The following WSCD2 variants were observed in gnomAD, a reference collection of about 807,000 sequenced individuals.
The protein encoded by WSCD2 is WSC domain sialate O sulfotransferase 2.
Under a neutral mutation model 55.7 loss-of-function variants are expected in WSCD2, and 28 were observed. The ratio of observed to expected loss-of-function variants is 0.50; its 90% CI spans 0.37 to 0.69. The LOEUF is 0.69. Among genes scored for constraint, WSCD2 ranks in the 30% least tolerant of loss-of-function variants. The pLI, the probability that WSCD2 is intolerant of heterozygous loss-of-function variation, is 0.00. For missense variants in WSCD2, 616 were observed against 762.1 expected, an observed-to-expected ratio of 0.81 and a Z score of 2.26; for synonymous variants, 301 against 301.9, an observed-to-expected ratio of 1.00 and a Z score of 0.03.
intron 1 of WSCD2, among the ~76,000 whole-genome samples, chr12:108,182,908 A>G (rs1881980184): frequency 6.6e-6 from 1 of 152,066 alleles, no homozygotes; most frequent in Admixed American, 6.6e-5. Flanking sequence ...TGGGGATCCT[A>G]GCGTGGAACC....
At chr12:108,221,670 C>T (rs754915079) in intron 4 of WSCD2, among the ~76,000 whole-genome samples, 9 of 152,248 alleles carry the variant, frequency 5.9e-5, no homozygotes, top group Non-Finnish European at 1.0e-4. Flanking sequence ...CTGTACAGAA[C>T]AGGCATGCAC....
intron 1 of WSCD2, among the ~76,000 whole-genome samples, chr12:108,150,124 G>A (rs1443265982): frequency 6.6e-6 from 1 of 151,664 alleles, no homozygotes; most frequent in Non-Finnish European, 1.5e-5. Context: ...TATGAGGGTG[G>A]TGTTATTATT....
chr12:108,237,997 A>G (rs1230482961), intron 7 of WSCD2, among the ~76,000 whole-genome samples: 1 of 152,224 alleles, frequency 6.6e-6, no homozygotes, highest in Admixed American at 6.5e-5. Context: ...TGTGTTTTCC[A>G]TTGCTGTGCT....
chr12:108,206,698 A>T (rs78811011), intron 3 of WSCD2, among the ~76,000 whole-genome samples: 5,465 of 152,264 alleles, frequency 0.036, 237 homozygotes, highest in Admixed American at 0.13. Flanking sequence ...TGTGTTTGTG[A>T]GCTTAATGCC....
chr12:108,168,418 G>A (rs1020002764), intron 1 of WSCD2, among the ~76,000 whole-genome samples: 10 of 152,118 alleles, frequency 6.6e-5, no homozygotes, highest in Admixed American at 5.2e-4. Context: ...TCCTCCATTA[G>A]GTCACCCCTA....
rs974113429 is a variant in WSCD2 at position 108,170,631 on chromosome 12, C to G, written c.-551-24651C>G. ...TTCACCTCTCAGAGACTCAGTGACC[C>G]TATCTATAAAATGGAAATAAAAATA... On this transcript the variant is annotated intron_variant, in intron 1 of 8. Transcript: ENST00000547525. Among the ~76,000 whole-genome samples the G allele has an allele frequency of 2.6e-5, 4 of 152,282 alleles. No individual in the cohort carries two copies. In the East Asian group the frequency reaches 7.7e-4, roughly 29 times the overall value.
In WSCD2 at chr12:108,210,355, C is replaced by A. The variant is rs369788309; in HGVS notation, c.682+50C>A. ...TCTGCTGCTCCTCCCTCAGCTGCAGCCCTTGCCCACCAAAGAGTCCCACAT... is the reference window on the plus strand; with the variant it reads ...TCTGCTGCTCCTCCCTCAGCTGCAGACCTTGCCCACCAAAGAGTCCCACAT... On this transcript the variant is annotated intron_variant, in intron 4 of 8. Transcript: ENST00000547525. This position sits in a 1 kb window ranked among gnomAD's most constrained non-coding sequence, Gnocchi z 4.3. 5 of 1,515,914 alleles carry A rather than the reference C, an allele frequency of 3.3e-6. No homozygotes were observed. The African/African-American group carries it at 5.5e-5, about 17-fold the overall frequency. The allele number at this position is 1,515,914 out of a possible 1,614,324, so 93.9% of individuals were successfully genotyped here.
chr12:108,131,494 C>A (rs1431269733), intron 1 of WSCD2, among the ~76,000 whole-genome samples: 1 of 152,208 alleles, frequency 6.6e-6, no homozygotes, highest in Non-Finnish European at 1.5e-5. Context: ...GGGAAGTTCA[C>A]AGTTCCTACT....
At chr12:108,157,740 C>T (rs936351339) in intron 1 of WSCD2, among the ~76,000 whole-genome samples, 2 of 152,146 alleles carry the variant, frequency 1.3e-5, no homozygotes, top group African/African-American at 4.8e-5. Context: ...TGTTCTTCCT[C>T]GTCATCTTGC....
chr12:108,152,177 C>T (rs1388221950), intron 1 of WSCD2, among the ~76,000 whole-genome samples: 1 of 152,244 alleles, frequency 6.6e-6, no homozygotes, highest in Non-Finnish European at 1.5e-5. Flanking sequence ...ACTGCCCATT[C>T]TGAGTGTGCT....
At chr12:108,220,618 T>C (rs1351944236) in intron 4 of WSCD2, among the ~76,000 whole-genome samples, 1 of 152,222 alleles carries the variant, frequency 6.6e-6, no homozygotes, top group Non-Finnish European at 1.5e-5. Context: ...CAGCCTCGAC[T>C]GCCTGGGCTC....
intron 2 of WSCD2, among the ~76,000 whole-genome samples, chr12:108,202,726 G>A (rs188325564): frequency 2.0e-5 from 3 of 152,304 alleles, no homozygotes; most frequent in Admixed American, 1.3e-4. Flanking sequence ...GTAGGAGGGA[G>A]AAGAGGTGAA....
At chr12:108,196,458 C>A in intron 2 of WSCD2, 1 of 527,776 alleles carries the variant, frequency 1.9e-6, no homozygotes, top group Non-Finnish European at 3.3e-6. Flanking sequence ...TTGAACTCCA[C>A]ATCTATCAGA....
intron 4 of WSCD2, among the ~76,000 whole-genome samples, chr12:108,223,057 C>G (rs1887704267): frequency 6.6e-6 from 1 of 152,244 alleles, no homozygotes; most frequent in South Asian, 2.1e-4. Flanking sequence ...GGAATTCCTT[C>G]TTCTCCAGGA....
chr12:108,164,463 G>A (rs1206387379), intron 1 of WSCD2, among the ~76,000 whole-genome samples: 1 of 151,776 alleles, frequency 6.6e-6, no homozygotes, highest in Admixed American at 6.6e-5. Context: ...ATTTATTCAC[G>A]ATGTCACATA....
chr12:108,248,300 G>C lies in WSCD2; in HGVS notation c.1655G>C (p.Gly552Ala). The change falls in exon 9 of 9, where the codon GGG (glycine) becomes GCG (alanine). Residue 552 changes from glycine (G) to alanine (A), a missense_variant. By Grantham distance (60) the Gly-to-Ala change is moderately conservative. Transcript: ENST00000547525. This position sits in a 1 kb window ranked among gnomAD's most constrained non-coding sequence, Gnocchi z 4.3. ...YIKMVDAALK[G>A]RNLTGVPDDY... is the part of the protein sequence containing the mutation. ...AAGATGGTGGATGCAGCCCTCAAAG[G>C]GCGGAACCTAACGGGTGTCCCCGAT... 6.2e-7 allele frequency: 1 copy of C among 1,614,128 alleles called. No homozygotes were observed. The highest frequency in any genetic ancestry group is 8.5e-7 in the Non-Finnish European group (1 of 1,179,990).
At chr12:108,185,640 T>G (rs1882385755) in intron 1 of WSCD2, among the ~76,000 whole-genome samples, 1 of 152,196 alleles carries the variant, frequency 6.6e-6, no homozygotes, top group Non-Finnish European at 1.5e-5. Context: ...TTCTCCTTAC[T>G]GTATGTGAGT....
chr12:108,162,736 TC>T (rs1384421957), intron 1 of WSCD2, among the ~76,000 whole-genome samples: 1 of 152,172 alleles, frequency 6.6e-6, no homozygotes, highest in African/African-American at 2.4e-5. Flanking sequence ...CCTTCTCTTT[TC>T]TCTCTCCAAA....
At chr12:108,232,650 G>A in intron 6 of WSCD2, 81 bp from the exon 7 acceptor site, 1 of 1,383,028 alleles carries the variant, frequency 7.2e-7, no homozygotes, top group Non-Finnish European at 9.8e-7. Context: ...AGTGGCAGGG[G>A]TGTGACTCAT....
Sources: allele counts gnomAD v4.1 joint callset (sites outside exome capture counted in the v4.1 genomes callset), GRCh38; gene constraint gnomAD v4.1.1; non-coding constraint Gnocchi (gnomAD v3.1); transcripts MANE v1.5; gene names NCBI Gene and HGNC (gene_info 2026-07-23, HGNC 2026-07-21).